Variants in PTPRT observed in about 807,000 individuals in gnomAD.
The protein encoded by PTPRT is receptor-type tyrosine-protein phosphatase T.
Under a neutral mutation model 176.8 loss-of-function variants are expected in PTPRT, and 56 were observed. The observed-to-expected ratio is 0.32, with a 90% CI of 0.26 to 0.40. PTPRT has a LOEUF of 0.40. Ranked by LOEUF, PTPRT falls within the 10% of genes least tolerant of loss-of-function variation. The pLI, the probability that PTPRT is intolerant of heterozygous loss-of-function variation, is 1.00. For missense variants in PTPRT, 1,540 were observed against 1,908.2 expected (o/e 0.81, Z 3.60); for synonymous variants, 783 against 739.0 (o/e 1.06, Z -0.96).
At position 42,918,626 on chromosome 20, in the gene PTPRT, G is replaced by A. The variant is rs117516998; in HGVS notation, c.89-32694C>T. On this transcript the variant is annotated intron_variant, in intron 1 of 30. Transcript: ENST00000373187. The stretch of plus-strand genomic sequence containing the variant: ...CCCTTTTCCCATTGCAATCATTCCC[G>A]TTGATAAAATCTTTCCTTACTACTG... Among the ~76,000 whole-genome samples the A allele has an allele frequency of 4.6e-3, 694 of 152,134 alleles. 7 individuals carry two copies. Among genetic ancestry groups the A allele is most frequent in the African/African-American group, 0.016 (656 of 41,508 alleles).
At chr20:42,850,356 C>T (rs1369384060) in intron 2 of PTPRT, among the ~76,000 whole-genome samples, 1 of 152,202 alleles carries the variant, frequency 6.6e-6, no homozygotes, top group Non-Finnish European at 1.5e-5. Flanking sequence ...CTTCTGAAGC[C>T]CTCCAATTAC....
chr20:42,720,930 C>T (rs892206544), intron 6 of PTPRT, among the ~76,000 whole-genome samples: 1 of 152,166 alleles, frequency 6.6e-6, no homozygotes, highest in Non-Finnish European at 1.5e-5. Context: ...CTGTGCTTAC[C>T]CTGTCTGCCT....
chr20:42,466,351 T>C (rs565955527), intron 8 of PTPRT, among the ~76,000 whole-genome samples: 1 of 152,320 alleles, frequency 6.6e-6, no homozygotes, highest in African/African-American at 2.4e-5. Flanking sequence ...TTAAAAAGCA[T>C]AGGTGGAAGG....
intron 16 of PTPRT, among the ~76,000 whole-genome samples, chr20:42,195,207 A>G (rs1427632023): frequency 2.6e-5 from 4 of 152,242 alleles, no homozygotes; most frequent in Non-Finnish European, 5.9e-5. Flanking sequence ...AGGGACAGGT[A>G]GAATTTGAAT....
intron 7 of PTPRT, among the ~76,000 whole-genome samples, chr20:42,492,694 T>A (rs2071582286): frequency 6.6e-6 from 1 of 152,196 alleles, no homozygotes; most frequent in African/African-American, 2.4e-5. Flanking sequence ...ATGAGATTTT[T>A]AAATCTGTCC....
chr20:42,463,736 C>T (rs556100304), intron 8 of PTPRT, among the ~76,000 whole-genome samples: 1 of 152,278 alleles, frequency 6.6e-6, no homozygotes, highest in South Asian at 2.1e-4. Flanking sequence ...TACAATTCAA[C>T]AGGAGTTTCC....
Position 42,104,732 on chromosome 20 carries a change from A to C in PTPRT, c.3391-14T>G. On this transcript the variant is annotated splice_polypyrimidine_tract_variant and intron_variant, in intron 24 of 30. Transcript: ENST00000373187. Reference sequence around the variant, plus strand: ...CACATATTGCTCCTGCAAAGTCAGAAGAGAGGGAATGGGGTGCCAGGTAAG... The same window carrying C: ...CACATATTGCTCCTGCAAAGTCAGACGAGAGGGAATGGGGTGCCAGGTAAG... 1 of 1,560,356 alleles carries C rather than the reference A, an allele frequency of 6.4e-7. No homozygotes were observed. Among genetic ancestry groups the C allele is most frequent in the Non-Finnish European group, 8.8e-7 (1 of 1,131,134 alleles).
intron 1 of PTPRT, among the ~76,000 whole-genome samples, chr20:43,076,893 G>T (rs1382112116): frequency 6.6e-6 from 1 of 151,994 alleles, no homozygotes; most frequent in African/African-American, 2.4e-5. Context: ...GGTCTTCTGT[G>T]CATCTCAGCT....
At chr20:42,549,467 G>C (rs573948552) in intron 7 of PTPRT, among the ~76,000 whole-genome samples, 1 of 152,224 alleles carries the variant, frequency 6.6e-6, no homozygotes, top group Admixed American at 6.5e-5. Context: ...CAGAGAAGAA[G>C]GAGATAAGAG....
intron 1 of PTPRT, among the ~76,000 whole-genome samples, chr20:43,099,150 T>G (rs1297215745): frequency 9.4e-6 from 1 of 106,836 alleles, no homozygotes; most frequent in Non-Finnish European, 2.0e-5. Context: ...ATAATAATAA[T>G]GTATTTTATA....
At chr20:43,039,523 G>T (rs2146210234) in intron 1 of PTPRT, among the ~76,000 whole-genome samples, 1 of 152,042 alleles carries the variant, frequency 6.6e-6, no homozygotes, top group African/African-American at 2.4e-5. Flanking sequence ...ATGAGAGTGA[G>T]GAAGGCCTTT....
chr20:42,757,962 C>A (rs1419156860), intron 5 of PTPRT, among the ~76,000 whole-genome samples: 2 of 152,200 alleles, frequency 1.3e-5, no homozygotes, highest in Non-Finnish European at 2.9e-5. Context: ...TGTGTCTTCA[C>A]AGCCTTGTTT....
intron 1 of PTPRT, among the ~76,000 whole-genome samples, chr20:43,130,997 G>A (rs148971202): frequency 2.6e-5 from 4 of 152,264 alleles, no homozygotes; most frequent in Non-Finnish European, 4.4e-5. Flanking sequence ...TCCACCTGAC[G>A]CCTACAACAG....
At chr20:42,575,238 T>C (rs546481610) in intron 7 of PTPRT, among the ~76,000 whole-genome samples, 2 of 152,216 alleles carry the variant, frequency 1.3e-5, no homozygotes, top group African/African-American at 4.8e-5. Flanking sequence ...GGGCAGCAAG[T>C]GATCCTGTGG....
chr20:42,438,209 C>T (rs1392856766), intron 9 of PTPRT, among the ~76,000 whole-genome samples: 1 of 152,212 alleles, frequency 6.6e-6, no homozygotes, highest in Non-Finnish European at 1.5e-5. Context: ...AGAACTCACT[C>T]TTCATTTCCT....
rs570673852 is a variant in PTPRT, at chr20:42,651,029, G to T, written c.1153+26837C>A. Among the ~76,000 whole-genome samples the T allele has an allele frequency of 5.9e-5, 9 of 152,034 alleles. 1 individual carries two copies. Among genetic ancestry groups the T allele is most frequent in the Middle Eastern group, 3.4e-3 (1 of 292 alleles). On this transcript the variant is annotated intron_variant, in intron 7 of 30. Transcript: ENST00000373187. ...CTTTATTCACTCACTTTTCAAATGGGTGAGTGAATAAAGTAGCCTTTAGTT... is the reference window on the plus strand; with the variant it reads ...CTTTATTCACTCACTTTTCAAATGGTTGAGTGAATAAAGTAGCCTTTAGTT...
chr20:42,145,544 A>AGAT (rs1988832413), intron 17 of PTPRT, among the ~76,000 whole-genome samples: 3 of 151,716 alleles, frequency 2.0e-5, no homozygotes, highest in Non-Finnish European at 2.9e-5. Flanking sequence ...ATAGATAGAT[A>AGAT]GATGGATGTT....
At chr20:42,820,862 G>A (rs974582081) in intron 2 of PTPRT, among the ~76,000 whole-genome samples, 9 of 152,056 alleles carry the variant, frequency 5.9e-5, no homozygotes, top group Non-Finnish European at 1.3e-4. Context: ...GACTAAACCA[G>A]GAAAAAGTCA....
rs554848908 is a variant in PTPRT at position 42,194,676 on chromosome 20, A to G, written c.2491+4564T>C. 1.6e-4 allele frequency among the ~76,000 whole-genome samples: 25 copies of G among 152,330 alleles called. No individual in the cohort carries two copies. The South Asian group carries it at 5.0e-3, about 30-fold the overall frequency. The stretch of plus-strand genomic sequence containing the variant: ...ACAAGTACACAGGGCAGTAAGATCA[A>G]AATCAGATTACTTAATAAAAGCTAG... On this transcript the variant is annotated intron_variant, in intron 16 of 30. Coordinates refer to ENST00000373187, the MANE Select transcript of PTPRT (RefSeq NM_007050.6).
Sources: allele counts gnomAD v4.1 joint callset (sites outside exome capture counted in the v4.1 genomes callset), GRCh38; gene constraint gnomAD v4.1.1; transcripts MANE v1.5; gene names NCBI Gene and HGNC (gene_info 2026-07-23, HGNC 2026-07-21).